CTIF: variants seen among roughly 807,000 people sequenced by gnomAD.
The protein encoded by CTIF is cap binding complex dependent translation initiation factor.
A neutral mutation model predicts 66.0 loss-of-function variants in CTIF; 21 were observed. That is an observed-to-expected ratio of 0.32 (90% CI 0.23 to 0.46). The LOEUF is 0.46. Ranked by LOEUF, CTIF falls within the 20% of genes least tolerant of loss-of-function variation. CTIF has a pLI of 1.00. For missense variants in CTIF, 739 were observed against 812.7 expected (o/e 0.91, Z 1.10); for synonymous variants, 345 against 326.4 (o/e 1.06, Z -0.62).
intron 8 of CTIF, among the ~76,000 whole-genome samples, chr18:48,758,886 G>C (rs1457784021): frequency 6.6e-6 from 1 of 152,212 alleles, no homozygotes; most frequent in Non-Finnish European, 1.5e-5. Flanking sequence ...TGTTCAGAGT[G>C]GGGGCAGGCT....
chr18:48,814,584 C>G (rs2068323842), intron 9 of CTIF, among the ~76,000 whole-genome samples: 1 of 152,220 alleles, frequency 6.6e-6, no homozygotes, highest in Admixed American at 6.5e-5. Context: ...TTGCTCAGAT[C>G]ACATAAGAAT....
At chr18:48,540,226 C>G (rs1348987889) in intron 1 of CTIF, 2 of 152,208 alleles carry the variant, frequency 1.3e-5, no homozygotes, top group African/African-American at 4.8e-5. Flanking sequence ...AATAGATACG[C>G]CCGGCGGAGA....
At chr18:48,789,545 A>C (rs1336268892) in intron 9 of CTIF, among the ~76,000 whole-genome samples, 1 of 152,198 alleles carries the variant, frequency 6.6e-6, no homozygotes, top group Non-Finnish European at 1.5e-5. Flanking sequence ...GCCCTGTCTG[A>C]AACTCTAGGG....
chr18:48,585,474 TC>T (rs1441626913), intron 1 of CTIF, among the ~76,000 whole-genome samples: 1 of 152,100 alleles, frequency 6.6e-6, no homozygotes, highest in African/African-American at 2.4e-5. Context: ...ATTCAGAGGA[TC>T]CCATGGTGTT....
intron 1 of CTIF, among the ~76,000 whole-genome samples, chr18:48,577,150 T>C (rs971938436): frequency 1.3e-5 from 2 of 152,182 alleles, no homozygotes; most frequent in Non-Finnish European, 2.9e-5. Context: ...AAATGCTGCC[T>C]CATCCACCTG....
intron 7 of CTIF, among the ~76,000 whole-genome samples, chr18:48,728,634 C>T (rs994817300): frequency 6.6e-6 from 1 of 152,068 alleles, no homozygotes; most frequent in Non-Finnish European, 1.5e-5. Context: ...CAGGCCTTGG[C>T]TCCTCACTGG....
chr18:48,687,350 A>C (rs921003115), intron 6 of CTIF, among the ~76,000 whole-genome samples: 15 of 147,180 alleles, frequency 1.0e-4, no homozygotes, highest in South Asian at 2.2e-4. Context: ...ACACACACAC[A>C]CCAAGCTTAC....
intron 9 of CTIF, among the ~76,000 whole-genome samples, chr18:48,785,385 A>T (rs1911613746): frequency 2.0e-5 from 3 of 152,188 alleles, no homozygotes. Context: ...GATGGCCTTG[A>T]TGTGTCATGA....
chr18:48,587,424 A>G (rs2089796617), intron 1 of CTIF, among the ~76,000 whole-genome samples: 2 of 151,922 alleles, frequency 1.3e-5, no homozygotes, highest in African/African-American at 2.4e-5. Flanking sequence ...CATTGAGGGT[A>G]CAATTTTTAA....
At chr18:48,626,232 C>T (rs2090595622) in intron 2 of CTIF, among the ~76,000 whole-genome samples, 1 of 152,202 alleles carries the variant, frequency 6.6e-6, no homozygotes, top group Non-Finnish European at 1.5e-5. Context: ...GAACTCCTGA[C>T]CCAGGTGATC....
intron 3 of CTIF, among the ~76,000 whole-genome samples, chr18:48,645,831 G>A (rs968464632): frequency 4.6e-5 from 7 of 152,320 alleles, no homozygotes; most frequent in African/African-American, 1.2e-4. Context: ...CCCCTGCGGC[G>A]TCGGAGGAGG....
intron 1 of CTIF, among the ~76,000 whole-genome samples, chr18:48,553,104 G>A (rs148406445): frequency 1.4e-4 from 21 of 152,326 alleles, no homozygotes; most frequent in African/African-American, 4.8e-4. Flanking sequence ...AGTTGGAAGT[G>A]TGGTTTGGCC....
At chr18:48,609,436 T>A (rs895392992) in intron 1 of CTIF, among the ~76,000 whole-genome samples, 1 of 152,228 alleles carries the variant, frequency 6.6e-6, no homozygotes. Context: ...CAATTGCAAC[T>A]GATAATTGAG....
intron 1 of CTIF, among the ~76,000 whole-genome samples, chr18:48,578,921 C>T (rs148134667): frequency 6.6e-6 from 1 of 152,242 alleles, no homozygotes; most frequent in African/African-American, 2.4e-5. Flanking sequence ...TTGGCTATTC[C>T]AAGGTCACAA....
chr18:48,775,321 A>G (rs908308368), intron 9 of CTIF, among the ~76,000 whole-genome samples: 2 of 152,254 alleles, frequency 1.3e-5, no homozygotes, highest in African/African-American at 4.8e-5. Flanking sequence ...CTCCTCCAGG[A>G]GAAACTTGTG....
chr18:48,653,644 C>A (rs1395798754), intron 3 of CTIF, among the ~76,000 whole-genome samples: 1 of 152,114 alleles, frequency 6.6e-6, no homozygotes, highest in Non-Finnish European at 1.5e-5. Flanking sequence ...TCATATGGAA[C>A]CAAAAAAGAG....
chr18:48,717,170 G>T (rs750820225), intron 7 of CTIF, among the ~76,000 whole-genome samples: 3 of 152,086 alleles, frequency 2.0e-5, no homozygotes, highest in Admixed American at 6.5e-5. Flanking sequence ...AGGCTGAGAC[G>T]GGCAGATCAC....
intron 1 of CTIF, among the ~76,000 whole-genome samples, chr18:48,604,438 A>G (rs1415869688): frequency 6.6e-6 from 1 of 152,064 alleles, no homozygotes; most frequent in Non-Finnish European, 1.5e-5. Context: ...TCGGCCTCCC[A>G]AAGTGCTGGG....
chr18:48,655,177 C>A (rs1439369500), intron 3 of CTIF, among the ~76,000 whole-genome samples: 2 of 151,196 alleles, frequency 1.3e-5, no homozygotes, highest in Non-Finnish European at 2.9e-5. Flanking sequence ...TGGTGGCTTG[C>A]ACCTGTAGTC....
Sources: allele counts gnomAD v4.1 joint callset (sites outside exome capture counted in the v4.1 genomes callset), GRCh38; gene constraint gnomAD v4.1.1; transcripts MANE v1.5; gene names NCBI Gene and HGNC (gene_info 2026-07-23, HGNC 2026-07-21).